The following TBCD variants were observed in gnomAD, a reference collection of about 807,000 sequenced individuals.
TBCD encodes the protein tubulin folding cofactor D, also known as tubulin-specific chaperone D.
In TBCD, 105 loss-of-function variants were observed where a neutral mutation model predicts 169.3. That is an observed-to-expected ratio of 0.62 (90% CI 0.53 to 0.73). The LOEUF is 0.73. Among genes scored for constraint, TBCD ranks in the 30% least tolerant of loss-of-function variants. The probability of loss-of-function intolerance (pLI) is 0.00; values close to 1 mark genes in which losing one functional copy is unlikely to be tolerated. For missense variants in TBCD, 1,444 were observed against 1,600.1 expected, an observed-to-expected ratio of 0.90 and a Z score of 1.66; for synonymous variants, 700 against 643.9, an observed-to-expected ratio of 1.09 and a Z score of -1.32.
intron 17 of TBCD, among the ~76,000 whole-genome samples, chr17:82,897,650 T>TG (rs2059580829): frequency 6.6e-6 from 1 of 152,228 alleles, no homozygotes; most frequent in African/African-American, 2.4e-5. Context: ...AGCTGTTGAA[T>TG]GACCACCACT....
At position 82,831,592 on chromosome 17, in the gene TBCD, G is replaced by C. The variant is rs35653278; in HGVS notation, c.1318+16658G>C. On this transcript the variant is annotated intron_variant, in intron 13 of 38. Coordinates refer to ENST00000355528, the MANE Select transcript of TBCD (RefSeq NM_005993.5). The surrounding 1 kb of genome is among the most constrained non-coding windows in gnomAD (Gnocchi z 4.6). Reference sequence around the variant, plus strand: ...AGCCAGGTGCTTAGGGATCGGCCCCGGGTGAGGCAGGAAGTGTCTCGGGTC... The same window carrying C: ...AGCCAGGTGCTTAGGGATCGGCCCCCGGTGAGGCAGGAAGTGTCTCGGGTC... 1 of 1,614,130 alleles carries C rather than the reference G, an allele frequency of 6.2e-7. No individual in the cohort carries two copies. The highest frequency in any genetic ancestry group is 8.5e-7 in the Non-Finnish European group (1 of 1,179,992).
At chr17:82,855,638 A>G (rs915312374) in intron 13 of TBCD, among the ~76,000 whole-genome samples, 2 of 152,192 alleles carry the variant, frequency 1.3e-5, no homozygotes, top group Admixed American at 1.3e-4. Flanking sequence ...AATTTCACAT[A>G]ACATAAAAAT....
chr17:82,829,897 A>C (rs934151362), intron 13 of TBCD: 1 of 585,298 alleles, frequency 1.7e-6, no homozygotes, highest in Admixed American at 3.1e-5. Context: ...TTGAAAATAC[A>C]TATCAGTCTT....
chr17:82,926,467 G>C lies in TBCD; in HGVS notation c.2447G>C (p.Arg816Thr), dbSNP rs2061770882. The change falls in exon 28 of 39, where the codon AGA becomes ACA. Residue 816 changes from arginine (R) to threonine (T), a missense_variant. Transcript: ENST00000355528. ...GACGTAAGTTTTGCTGAGTCCAGGA[G>C]AGACGGCTTGAAGGCCATTGCGAGG... is the stretch of plus-strand genomic sequence containing the variant. ...PEDVSFAESR[R>T]DGLKAIARIC... is the part of the protein sequence containing the mutation. 6.2e-7 allele frequency: 1 copy of C among 1,614,006 alleles called. No homozygotes were observed. The highest frequency in any genetic ancestry group is 8.5e-7 in the Non-Finnish European group (1 of 1,179,884).
chr17:82,893,663 A>G (rs1407238896), intron 17 of TBCD, 31 bp downstream of exon 17: 15 of 1,470,030 alleles, frequency 1.0e-5, no homozygotes, highest in Non-Finnish European at 1.4e-5. Context: ...ACAAAAATAG[A>G]ATACTCTAAA....
Position 82,930,159 on chromosome 17 carries a change from G to A in TBCD, c.2992-363G>A, listed in dbSNP as rs2062079768. 3.4e-6 allele frequency: 1 copy of A among 298,002 alleles called. No homozygotes were observed. Among genetic ancestry groups the A allele is most frequent in the Non-Finnish European group, 6.4e-6 (1 of 156,096 alleles). The allele number at this position is 298,002 out of a possible 1,614,324, so 18.5% of individuals were successfully genotyped here. On this transcript the variant is annotated intron_variant, in intron 32 of 38. Transcript: ENST00000355528. This position sits in a 1 kb window ranked among gnomAD's most constrained non-coding sequence, Gnocchi z 5.2. ...GTGCGGGGAGACCCGGGCCACATGC[G>A]AGCGGGGCCCCGAGACATTCTGCAC...
Position 82,831,281 on chromosome 17 carries a change from G to C in TBCD, c.1318+16347G>C. 1.2e-6 allele frequency: 2 copies of C among 1,613,808 alleles called. No individual in the cohort carries two copies. Among genetic ancestry groups the C allele is most frequent in the South Asian group, 1.1e-5 (1 of 91,086 alleles). ...ATTTTGGACCCTTCCGTGTCTCTCT[G>C]CCCAGCCTTGGAGGAGTCTTTAGCC... On this transcript the variant is annotated intron_variant, in intron 13 of 38. Coordinates refer to ENST00000355528, the MANE Select transcript of TBCD (RefSeq NM_005993.5). This position sits in a 1 kb window ranked among gnomAD's most constrained non-coding sequence, Gnocchi z 4.6.
chr17:82,939,519 CG>C, intron 37 of TBCD, 43 bp downstream of exon 37: 1 of 1,480,114 alleles, frequency 6.8e-7, no homozygotes, highest in Non-Finnish European at 9.3e-7. Context: ...GGCCTGGCAC[CG>C]CCCCTCTTCC....
At chr17:82,851,714 G>T (rs903559633) in intron 13 of TBCD, among the ~76,000 whole-genome samples, 1 of 152,240 alleles carries the variant, frequency 6.6e-6, no homozygotes, top group African/African-American at 2.4e-5. Flanking sequence ...CTTCGAGAGG[G>T]CTGATGGGAC....
At chr17:82,777,039 A>G (rs1479210427) in intron 6 of TBCD, among the ~76,000 whole-genome samples, 1 of 151,586 alleles carries the variant, frequency 6.6e-6, no homozygotes, top group Non-Finnish European at 1.5e-5. Flanking sequence ...GTATTGCCCC[A>G]GGTGGTTGTT....
At position 82,915,100 on chromosome 17, in the gene TBCD, G is replaced by C; in HGVS notation, c.2038+3311G>C. 6.6e-6 allele frequency among the ~76,000 whole-genome samples: 1 copy of C among 152,140 alleles called. No individual in the cohort carries two copies. Among genetic ancestry groups the C allele is most frequent in the East Asian group, 1.9e-4 (1 of 5,188 alleles). ...GACAAGACTCCAAGCTCTTGTCGGG[G>C]TGAGAAATCTGCGGGTTCACGGGCT... On this transcript the variant is annotated intron_variant, in intron 23 of 38. Transcript: ENST00000355528. The surrounding 1 kb of genome is among the most constrained non-coding windows in gnomAD (Gnocchi z 4.3).
chr17:82,797,232 G>A (rs530490130), intron 7 of TBCD, among the ~76,000 whole-genome samples: 7 of 152,272 alleles, frequency 4.6e-5, no homozygotes, highest in East Asian at 3.9e-4. Context: ...AGGTGATGAC[G>A]TCCGTGTGTG....
In TBCD at chr17:82,832,556, T is replaced by G. The variant is rs2053612133; in HGVS notation, c.1318+17622T>G. The G allele has an allele frequency of 9.5e-7, 1 of 1,052,598 alleles. No homozygotes were observed. The highest frequency in any genetic ancestry group is 1.3e-5 in the South Asian group (1 of 75,946). 65.2% of individuals were successfully genotyped at this position (1,052,598 alleles called of 1,614,324 possible). A position where few individuals can be genotyped will look rare whatever the true frequency, so the allele number is the denominator to read the frequency against. ...TAAAGAGGCACCTCCCGCTTTGCTT[T>G]CTTTCCCGATCACTTCTATCAGAAG... On this transcript the variant is annotated intron_variant, in intron 13 of 38. Coordinates refer to ENST00000355528, the MANE Select transcript of TBCD (RefSeq NM_005993.5). This position sits in a 1 kb window ranked among gnomAD's most constrained non-coding sequence, Gnocchi z 4.9.
rs2063660756 is a variant in TBCD at position 82,945,800 on chromosome 17, G to C, written c.*3337G>C. The stretch of plus-strand genomic sequence containing the variant: ...CCAAATATCTTCTGGGGGTGCCCCT[G>C]GTTGAGAACCACTGCTTTAGTGGAT... On this transcript the variant is annotated 3_prime_UTR_variant, in exon 39 of 39. Transcript: ENST00000355528. 1 of 152,210 alleles carries C rather than the reference G, an allele frequency of 6.6e-6. No individual in the cohort carries two copies. The highest frequency in any genetic ancestry group is 2.4e-5 in the African/African-American group (1 of 41,456). 9.4% of individuals were successfully genotyped at this position (152,210 alleles called of 1,614,324 possible).
rs2063669329 is a variant in TBCD at position 82,945,914 on chromosome 17, A to G, written c.*3451A>G. 6.6e-6 allele frequency: 1 copy of G among 152,254 alleles called. No homozygotes were observed. The highest frequency in any genetic ancestry group is 1.5e-5 in the Non-Finnish European group (1 of 68,046). The allele number at this position is 152,254 out of a possible 1,614,324, so 9.4% of individuals were successfully genotyped here. ...CAATAAACTGTGACCATAAAAACAT[A>G]GAAAGATGGCTTATATGTGGATTTT... On this transcript the variant is annotated 3_prime_UTR_variant, in exon 39 of 39. Coordinates refer to ENST00000355528, the MANE Select transcript of TBCD (RefSeq NM_005993.5).
chr17:82,897,429 A>T lies in TBCD; in HGVS notation c.1650-3222A>T, dbSNP rs529663983. Reference sequence around the variant, plus strand: ...GCTACTCGGGAGGCTGAGGCAGGAGAATCACTTGATCCCGGGAGGCGGAGG... The same window carrying T: ...GCTACTCGGGAGGCTGAGGCAGGAGTATCACTTGATCCCGGGAGGCGGAGG... On this transcript the variant is annotated intron_variant, in intron 17 of 38. Coordinates refer to ENST00000355528, the MANE Select transcript of TBCD (RefSeq NM_005993.5). Among the ~76,000 whole-genome samples the T allele has an allele frequency of 2.0e-5, 3 of 151,858 alleles. No homozygotes were observed. The South Asian group carries it at 6.3e-4, about 32-fold the overall frequency.
intron 13 of TBCD, among the ~76,000 whole-genome samples, chr17:82,836,357 T>C (rs1185689261): frequency 6.6e-6 from 1 of 152,232 alleles, no homozygotes; most frequent in African/African-American, 2.4e-5. Context: ...GGCAGGGATC[T>C]GAAAGCTGAT....
chr17:82,799,076 A>C (rs1262967478), intron 8 of TBCD, among the ~76,000 whole-genome samples: 3 of 152,218 alleles, frequency 2.0e-5, no homozygotes, highest in Admixed American at 6.5e-5. Flanking sequence ...TTCTGAAAAT[A>C]AGGGCAGTGT....
At chr17:82,795,636 T>G in intron 7 of TBCD, 2 of 982,704 alleles carry the variant, frequency 2.0e-6, no homozygotes, top group Non-Finnish European at 2.4e-6. Context: ...GTTCATTTGT[T>G]GTGGAACAAC....
Sources: allele counts gnomAD v4.1 joint callset (sites outside exome capture counted in the v4.1 genomes callset), GRCh38; gene constraint gnomAD v4.1.1; non-coding constraint Gnocchi (gnomAD v3.1); transcripts MANE v1.5; gene names NCBI Gene and HGNC (gene_info 2026-07-23, HGNC 2026-07-21).